The following GPHN variants were observed in gnomAD, a reference collection of about 807,000 sequenced individuals.
GPHN encodes the protein gephyrin.
GPHN carries 17 observed loss-of-function variants against 95.5 expected under a neutral mutation model. That is an observed-to-expected ratio of 0.18 (90% CI 0.12 to 0.27). The LOEUF is 0.27. Among genes scored for constraint, GPHN ranks in the 10% least tolerant of loss-of-function variants. The pLI is 1.00. For synonymous variants in GPHN, 320 were observed against 322.5 expected, an observed-to-expected ratio of 0.99 and a Z score of 0.08; for missense variants, 660 against 978.1, an observed-to-expected ratio of 0.67 and a Z score of 4.34.
chr14:66,799,245 T>G (rs1056512506), intron 3 of GPHN, among the ~76,000 whole-genome samples: 4 of 152,060 alleles, frequency 2.6e-5, no homozygotes, highest in African/African-American at 9.6e-5. Context: ...ATATGGTCTA[T>G]TCTAGAGAAT....
At chr14:67,396,788 T>C in the GPHN span, among the ~76,000 whole-genome samples, 6 of 152,260 alleles carry the variant, frequency 3.9e-5, no homozygotes, top group East Asian at 1.9e-4. Context: ...TGTGGCATCA[T>C]TGGAATGCCA....
chr14:67,668,964 G>GTT, the GPHN span, among the ~76,000 whole-genome samples: 2 of 152,114 alleles, frequency 1.3e-5, no homozygotes, highest in Non-Finnish European at 2.9e-5. Flanking sequence ...AAAAAAAAAG[G>GTT]TAAGAATAGT....
chr14:66,579,136 C>T (rs2140442373), intron 1 of GPHN, among the ~76,000 whole-genome samples: 1 of 151,674 alleles, frequency 6.6e-6, no homozygotes, highest in South Asian at 2.1e-4. Flanking sequence ...TTAAAAATAG[C>T]CTGTTACAAC....
the GPHN span, among the ~76,000 whole-genome samples, chr14:67,358,041 A>T: frequency 6.6e-6 from 1 of 152,136 alleles, no homozygotes; most frequent in Admixed American, 6.5e-5. Context: ...GTTGACTAGA[A>T]CAAACAGTAA....
chr14:67,546,888 T>A, the GPHN span, among the ~76,000 whole-genome samples: 1 of 152,270 alleles, frequency 6.6e-6, no homozygotes, highest in East Asian at 1.9e-4. Flanking sequence ...ATTTTTTCTC[T>A]ACATGTTTCT....
chr14:67,671,434 G>A, the GPHN span, among the ~76,000 whole-genome samples: 4 of 152,118 alleles, frequency 2.6e-5, no homozygotes, highest in Non-Finnish European at 4.4e-5. Context: ...GCTGAGGCAT[G>A]AGAATCACTT....
chr14:67,340,357 A>G, the GPHN span: 1 of 1,182,352 alleles, frequency 8.5e-7, no homozygotes, highest in South Asian at 1.2e-5. Flanking sequence ...TCTAAAGAAC[A>G]TAAACCAACA....
At chr14:67,381,111 C>G in the GPHN span, among the ~76,000 whole-genome samples, 2 of 152,108 alleles carry the variant, frequency 1.3e-5, no homozygotes, top group Non-Finnish European at 2.9e-5. Context: ...CCTTTTCCAC[C>G]CAGTGTATCA....
At chr14:66,799,897 T>C (rs914008816) in intron 3 of GPHN, among the ~76,000 whole-genome samples, 1 of 152,054 alleles carries the variant, frequency 6.6e-6, no homozygotes, top group Non-Finnish European at 1.5e-5. Flanking sequence ...CTGTCTTTCT[T>C]TAGTGAAGAT....
the GPHN span, among the ~76,000 whole-genome samples, chr14:67,567,138 TCGTGTTCC>T: frequency 2.0e-5 from 3 of 151,890 alleles, no homozygotes; most frequent in African/African-American, 7.3e-5. Flanking sequence ...GCATGATCAC[TCGTGTTCC>T]GTGTTCCGGG....
At chr14:66,522,599 A>G (rs2058525988) in intron 1 of GPHN, among the ~76,000 whole-genome samples, 1 of 152,132 alleles carries the variant, frequency 6.6e-6, no homozygotes, top group Admixed American at 6.6e-5. Context: ...ACACCTTTTT[A>G]GGAAATGGTG....
At chr14:67,230,504 C>T in the GPHN span, among the ~76,000 whole-genome samples, 20 of 151,788 alleles carry the variant, frequency 1.3e-4, no homozygotes, top group African/African-American at 2.2e-4. Flanking sequence ...CTCAGGAGGT[C>T]GAGGCTGCAG....
chr14:67,160,142 GTC>G (rs2081887058), intron 19 of GPHN, among the ~76,000 whole-genome samples: 1 of 152,096 alleles, frequency 6.6e-6, no homozygotes, highest in Non-Finnish European at 1.5e-5. Context: ...TGTTTGTTAA[GTC>G]TCTATTAAAT....
chr14:66,804,794 T>G (rs928115547), intron 3 of GPHN, among the ~76,000 whole-genome samples: 12 of 152,228 alleles, frequency 7.9e-5, no homozygotes, highest in African/African-American at 2.9e-4. Flanking sequence ...TTTTTATAAT[T>G]ATGTGATGTT....
chr14:67,221,144 T>C, the GPHN span, among the ~76,000 whole-genome samples: 1 of 152,220 alleles, frequency 6.6e-6, no homozygotes, highest in African/African-American at 2.4e-5. Flanking sequence ...AATAAGCTTC[T>C]TTATCCAAAG....
intron 3 of GPHN, among the ~76,000 whole-genome samples, chr14:66,817,223 G>T (rs566518849): frequency 3.0e-4 from 45 of 151,952 alleles, no homozygotes; most frequent in Non-Finnish European, 4.1e-4. Flanking sequence ...ATGTGTGTTT[G>T]TGTATGTGTA....
intron 10 of GPHN, among the ~76,000 whole-genome samples, chr14:67,024,452 A>G (rs1254311341): frequency 2.6e-5 from 4 of 152,196 alleles, no homozygotes; most frequent in Non-Finnish European, 5.9e-5. Flanking sequence ...GGGGAATCAT[A>G]CTGAAATAGG....
At chr14:67,386,042 C>T in the GPHN span, 1 of 152,244 alleles carries the variant, frequency 6.6e-6, no homozygotes, top group Non-Finnish European at 1.5e-5. Context: ...ACTTTGCAAC[C>T]TATGGAGATC....
At chr14:67,439,533 G>GTTTCTTTCTTTCTT in the GPHN span, among the ~76,000 whole-genome samples, 76 of 96,138 alleles carry the variant, frequency 7.9e-4, no homozygotes, top group African/African-American at 3.6e-3. Flanking sequence ...AAATTCAATA[G>GTTTCTTTCTTTCTT]TTTCTTTCTT....
Sources: allele counts gnomAD v4.1 joint callset (sites outside exome capture counted in the v4.1 genomes callset), GRCh38; gene constraint gnomAD v4.1.1; transcripts MANE v1.5; gene names NCBI Gene and HGNC (gene_info 2026-07-23, HGNC 2026-07-21).